The following CDH5 variants were observed in gnomAD, a reference collection of about 807,000 sequenced individuals.
CDH5 encodes cadherin-5.
Under a neutral mutation model 62.0 loss-of-function variants are expected in CDH5, and 28 were observed. The ratio of observed to expected loss-of-function variants is 0.45; its 90% CI spans 0.33 to 0.62. The LOEUF is 0.62. Ranked by LOEUF, CDH5 falls within the 20% of genes least tolerant of loss-of-function variation. The pLI is 0.02. For synonymous variants in CDH5, 464 were observed against 445.8 expected, an observed-to-expected ratio of 1.04 and a Z score of -0.52; for missense variants, 940 against 1,065.1, an observed-to-expected ratio of 0.88 and a Z score of 1.63.
intron 9 of CDH5, 122 bp from the exon 10 acceptor site, chr16:66,398,334 G>T (rs1961223478): frequency 2.5e-6 from 2 of 795,072 alleles, no homozygotes; most frequent in Non-Finnish European, 4.2e-6. Flanking sequence ...CTAAATAGGT[G>T]AGTGTTGCAG....
intron 1 of CDH5, among the ~76,000 whole-genome samples, chr16:66,371,959 G>A (rs998196661): frequency 6.6e-6 from 1 of 151,846 alleles, no homozygotes; most frequent in African/African-American, 2.4e-5. Context: ...TGTATCCCTA[G>A]CCTCTCTTTT....
At chr16:66,389,854 T>C (rs969046789) in intron 5 of CDH5, among the ~76,000 whole-genome samples, 2 of 152,168 alleles carry the variant, frequency 1.3e-5, no homozygotes, top group Non-Finnish European at 2.9e-5. Context: ...ATCAAAGCCC[T>C]GAGACTCAGG....
intron 2 of CDH5, among the ~76,000 whole-genome samples, chr16:66,384,641 C>A (rs1960951815): frequency 7.1e-6 from 1 of 140,832 alleles, no homozygotes. Flanking sequence ...GTAGTCCCAG[C>A]TACTCCGGAG....
chr16:66,398,199 G>A, intron 9 of CDH5, 93 bp downstream of exon 9: 7 of 1,436,548 alleles, frequency 4.9e-6, no homozygotes, highest in Non-Finnish European at 5.9e-6. Context: ...GAGTTCCCCT[G>A]TACAATAGCC....
intron 4 of CDH5, 29 bp from the exon 5 acceptor site, chr16:66,389,329 C>T (rs755961099): frequency 1.3e-6 from 2 of 1,594,588 alleles, no homozygotes; most frequent in South Asian, 1.1e-5. Context: ...AAGCTGGTAA[C>T]ATGGTTCCTG....
At chr16:66,375,744 T>G (rs1207350689) in intron 1 of CDH5, among the ~76,000 whole-genome samples, 1 of 151,816 alleles carries the variant, frequency 6.6e-6, no homozygotes, top group Non-Finnish European at 1.5e-5. Context: ...AAAATATTTT[T>G]CTTTCGTCAA....
In CDH5 at chr16:66,400,987, C is replaced by A; in HGVS notation, c.1808C>A (p.Ala603Asp). ...QVGVSIQAVV[A>D]ILLCILTITV... Reference sequence around the variant, plus strand: ...GGCGTGAGCATCCAGGCAGTGGTAGCCATCTTACTCTGCATCCTCACCATC... The same window carrying A: ...GGCGTGAGCATCCAGGCAGTGGTAGACATCTTACTCTGCATCCTCACCATC... The change falls in exon 11 of 12, where the codon GCC becomes GAC. Residue 603 changes from alanine (A) to aspartate (D), a missense_variant. Transcript: ENST00000341529. 1 of 1,614,064 alleles carries A rather than the reference C, an allele frequency of 6.2e-7. No individual in the cohort carries two copies. The highest frequency in any genetic ancestry group is 8.5e-7 in the Non-Finnish European group (1 of 1,180,044).
chr16:66,389,528 C>G lies in CDH5; in HGVS notation c.781+6C>G. 1 of 1,577,886 alleles carries G rather than the reference C, an allele frequency of 6.3e-7. No individual in the cohort carries two copies. The highest frequency in any genetic ancestry group is 2.3e-5 in the East Asian group (1 of 43,498). On this transcript the variant is annotated splice_donor_region_variant and intron_variant, in intron 5 of 11. Coordinates refer to ENST00000341529, the MANE Select transcript of CDH5 (RefSeq NM_001795.5). ...CTTCCCCTTCTTCACCCAGAGTGAG[C>G]CCCTCCTCTAGGGCCCTGGGAAGGG...
chr16:66,402,830 G>A lies in CDH5; in HGVS notation c.2016G>A (p.Lys672=), dbSNP rs1961313900. Residue 672 remains lysine (K), a synonymous_variant, in exon 12 of 12, where the codon AAG becomes AAA. Coordinates refer to ENST00000341529, the MANE Select transcript of CDH5 (RefSeq NM_001795.5). ...ACTCGGTGCGCCGCGGCGGGGCCAA[G>A]CCCCCGCGGCCCGCGCTGGACGCCC... The part of the protein sequence containing the change: ...VLNSVRRGGA[K]PPRPALDARP... The A allele has an allele frequency of 6.3e-7, 1 of 1,598,132 alleles. No individual in the cohort carries two copies. The highest frequency in any genetic ancestry group is 8.5e-7 in the Non-Finnish European group (1 of 1,173,180).
intron 7 of CDH5, among the ~76,000 whole-genome samples, chr16:66,395,071 C>G (rs551711621): frequency 2.6e-5 from 1 of 38,550 alleles, no homozygotes; most frequent in African/African-American, 9.3e-5. Flanking sequence ...TTTGGTGAGA[C>G]AGGGTCTCAC....
chr16:66,404,063 G>C lies in CDH5; in HGVS notation c.*894G>C, dbSNP rs993537406. On this transcript the variant is annotated 3_prime_UTR_variant, in exon 12 of 12. Transcript: ENST00000341529. ...GGCAGATGTTCCCGGAGCAGAAGAC[G>C]TCTCCCCTTCTCTGCCTCACCTGGT... is the stretch of plus-strand genomic sequence containing the variant. 2 of 152,432 alleles carry C rather than the reference G, an allele frequency of 1.3e-5. No individual in the cohort carries two copies. The highest frequency in any genetic ancestry group is 4.8e-5 in the African/African-American group (2 of 41,444). 9.4% of individuals were successfully genotyped at this position (152,432 alleles called of 1,614,324 possible). A position where few individuals can be genotyped will look rare whatever the true frequency, so the allele number is the denominator to read the frequency against.
In CDH5 at chr16:66,403,146, C is replaced by T. The variant is rs773256822; in HGVS notation, c.2332C>T (p.Pro778Ser). 1 of 1,612,226 alleles carries T rather than the reference C, an allele frequency of 6.2e-7. No individual in the cohort carries two copies. Among genetic ancestry groups the T allele is most frequent in the South Asian group, 1.1e-5 (1 of 90,792 alleles). The change falls in exon 12 of 12, where the codon CCC becomes TCC. Residue 778 changes from proline to serine, a missense_variant. By Grantham distance (74) the Pro-to-Ser change is moderately conservative (BLOSUM62 -1). Transcript: ENST00000341529. This position sits in a 1 kb window ranked among gnomAD's most constrained non-coding sequence, Gnocchi z 4.3. ...KMLAELYGSD[P>S]REELLY ...GCTGGCTGAGCTGTACGGCTCGGAC[C>T]CCCGGGAGGAGCTGCTGTATTAGGC...
intron 1 of CDH5, chr16:66,376,524 A>G (rs1323911894): frequency 6.6e-6 from 1 of 152,152 alleles, no homozygotes; most frequent in African/African-American, 2.4e-5. Flanking sequence ...AGATTTTATG[A>G]AGGGACTGCT....
chr16:66,368,499 A>G (rs1960628001), intron 1 of CDH5, among the ~76,000 whole-genome samples: 1 of 152,158 alleles, frequency 6.6e-6, no homozygotes, highest in Admixed American at 6.5e-5. Context: ...GGGGCCACAC[A>G]TTTTCTGCAA....
rs367602434 is a variant in CDH5 at position 66,400,922 on chromosome 16, G to A, written c.1743G>A (p.Gln581=). 7 of 1,614,092 alleles carry A rather than the reference G, an allele frequency of 4.3e-6. No individual in the cohort carries two copies. Among genetic ancestry groups the A allele is most frequent in the African/African-American group, 4.0e-5 (3 of 74,954 alleles). ...TGGCCGTGTGCAAGTGCAACGAGCA[G>A]GGCGAGTTCACCTTCTGCGAGGATA... is the stretch of plus-strand genomic sequence containing the variant. ...LTVAVCKCNE[Q]GEFTFCEDMA... Residue 581 remains glutamine, a synonymous_variant, in exon 11 of 12, where the codon CAG becomes CAA. Transcript: ENST00000341529.
Position 66,387,076 on chromosome 16 carries a change from G to A in CDH5, c.478G>A (p.Val160Met), listed in dbSNP as rs750949518. 7 of 1,611,952 alleles carry A rather than the reference G, an allele frequency of 4.3e-6. No individual in the cohort carries two copies. Among genetic ancestry groups the A allele is most frequent in the Admixed American group, 1.7e-5 (1 of 59,982 alleles). ...VFTHRLFNAS[V>M]PESSAVGTSV... ...CACGCATCGGTTGTTCAATGCGTCC[G>A]TGCCTGAGTCGTCGGCTGTGGGTAC... is the stretch of plus-strand genomic sequence containing the variant. The change falls in exon 3 of 12, where the codon GTG becomes ATG. Residue 160 changes from valine (V) to methionine (M), a missense_variant. By Grantham distance (21) the Val-to-Met change is conservative. Transcript: ENST00000341529.
In CDH5 at chr16:66,398,006, T is replaced by C. The variant is rs781372197; in HGVS notation, c.1385T>C (p.Ile462Thr). ...GGAACCCCCACAGGAAAAGAATCCATTGTGCAAGTCCACATTGAAGTTTTG... is the reference window on the plus strand; with the variant it reads ...GGAACCCCCACAGGAAAAGAATCCACTGTGCAAGTCCACATTGAAGTTTTG... ...STGTPTGKES[I>T]VQVHIEVLDE... The change falls in exon 9 of 12, where the codon ATT becomes ACT. Residue 462 changes from isoleucine to threonine, a missense_variant. Ile to Thr is a moderately conservative substitution (Grantham distance 89, BLOSUM62 -1). Coordinates refer to ENST00000341529, the MANE Select transcript of CDH5 (RefSeq NM_001795.5). 10 of 1,614,076 alleles carry C rather than the reference T, an allele frequency of 6.2e-6. No individual in the cohort carries two copies. The Admixed American group carries it at 6.7e-5, about 11-fold the overall frequency.
chr16:66,397,744 G>A (rs1297186503), intron 8 of CDH5, among the ~76,000 whole-genome samples: 2 of 151,768 alleles, frequency 1.3e-5, no homozygotes, highest in African/African-American at 4.8e-5. Context: ...AATGCACTTA[G>A]GTGGTTTACC....
chr16:66,395,425 T>C (rs912224795), intron 7 of CDH5: 2 of 151,574 alleles, frequency 1.3e-5, no homozygotes, highest in Non-Finnish European at 2.9e-5. Context: ...TGGGGTTTTT[T>C]TCAATGATGC....
Sources: allele counts gnomAD v4.1 joint callset (sites outside exome capture counted in the v4.1 genomes callset), GRCh38; gene constraint gnomAD v4.1.1; non-coding constraint Gnocchi (gnomAD v3.1); transcripts MANE v1.5; gene names NCBI Gene and HGNC (gene_info 2026-07-23, HGNC 2026-07-21).